Variants in ZNF804B observed in about 807,000 individuals in gnomAD.
ZNF804B encodes the protein zinc finger 804B.
In ZNF804B, 80 loss-of-function variants were observed where a neutral mutation model predicts 101.4. The ratio of observed to expected loss-of-function variants is 0.79; its 90% CI spans 0.66 to 0.95. The LOEUF is 0.95. ZNF804B is among the 40% of genes least tolerant of loss of function. ZNF804B has a pLI of 0.00. For missense variants in ZNF804B, 1,673 were observed against 1,561.9 expected (o/e 1.07, Z -1.20); for synonymous variants, 622 against 558.8 (o/e 1.11, Z -1.59).
chr7:89,070,176 C>A (rs1237522733), intron 1 of ZNF804B, among the ~76,000 whole-genome samples: 2 of 152,132 alleles, frequency 1.3e-5, no homozygotes, highest in Non-Finnish European at 2.9e-5. Flanking sequence ...TAGAAGGTAA[C>A]CTTACTTGCA....
At chr7:88,869,158 C>T (rs1049106518) in intron 1 of ZNF804B, among the ~76,000 whole-genome samples, 3 of 152,088 alleles carry the variant, frequency 2.0e-5, no homozygotes, top group African/African-American at 4.8e-5. Flanking sequence ...CTTAGTAATA[C>T]AGTAATTCTT....
intron 1 of ZNF804B, among the ~76,000 whole-genome samples, chr7:88,776,731 G>C (rs1392132753): frequency 6.8e-6 from 1 of 147,210 alleles, no homozygotes; most frequent in African/African-American, 2.5e-5. Flanking sequence ...CTGTTTAAAT[G>C]TCTTACTGTC....
At chr7:88,947,362 G>T (rs1184738788) in intron 1 of ZNF804B, among the ~76,000 whole-genome samples, 6 of 151,984 alleles carry the variant, frequency 3.9e-5, no homozygotes, top group Non-Finnish European at 8.8e-5. Flanking sequence ...CATGTCTTTT[G>T]CAGGGACATG....
chr7:89,257,934 A>G (rs1267021558), intron 2 of ZNF804B, among the ~76,000 whole-genome samples: 1 of 152,038 alleles, frequency 6.6e-6, no homozygotes, highest in East Asian at 1.9e-4. Flanking sequence ...GGTGCATTAT[A>G]CAGATATTGA....
chr7:89,210,576 T>C (rs1473917361), intron 1 of ZNF804B, among the ~76,000 whole-genome samples: 1 of 152,166 alleles, frequency 6.6e-6, no homozygotes, highest in Non-Finnish European at 1.5e-5. Context: ...AGCTCCCACT[T>C]ATAAGTAAGA....
rs536839999 is a variant in ZNF804B at position 89,031,322 on chromosome 7, G to A, written c.109-186833G>A. On this transcript the variant is annotated intron_variant, in intron 1 of 3. Transcript: ENST00000333190. ...CTAGACTCAATTACCCTTTGCGCAC[G>A]GCCCCTGTGTCACCATGCACAATAT... Among the ~76,000 whole-genome samples, 19 of 150,028 alleles carry A rather than the reference G, an allele frequency of 1.3e-4. No homozygotes were observed. The South Asian group carries it at 1.5e-3, about 12-fold the overall frequency.
rs966567844 is a variant in ZNF804B, at chr7:88,939,607, C to A, written c.108+179523C>A. ...GAATTACAATGAATATAAACAAATT[C>A]TCCCATTAAAAGCCACAGTCGTGCA... On this transcript the variant is annotated intron_variant, in intron 1 of 3. Coordinates refer to ENST00000333190, the MANE Select transcript of ZNF804B (RefSeq NM_181646.5). Among the ~76,000 whole-genome samples, 15 of 151,770 alleles carry A rather than the reference C, an allele frequency of 9.9e-5. No individual in the cohort carries two copies. In the East Asian group the frequency reaches 2.5e-3, roughly 26 times the overall value.
chr7:89,012,892 A>G (rs1294316445), intron 1 of ZNF804B, among the ~76,000 whole-genome samples: 1 of 152,180 alleles, frequency 6.6e-6, no homozygotes, highest in Non-Finnish European at 1.5e-5. Flanking sequence ...GTAATTTATA[A>G]AGAAAAGAGG....
intron 2 of ZNF804B, among the ~76,000 whole-genome samples, chr7:89,271,499 G>A (rs1298861841): frequency 6.6e-6 from 1 of 152,154 alleles, no homozygotes; most frequent in Non-Finnish European, 1.5e-5. Context: ...TTGCATCGAT[G>A]TTCATCAGGG....
intron 2 of ZNF804B, among the ~76,000 whole-genome samples, chr7:89,303,961 C>A (rs1790521956): frequency 6.6e-6 from 1 of 151,856 alleles, no homozygotes; most frequent in Admixed American, 6.6e-5. Flanking sequence ...CTCTACTAAC[C>A]AAGACAGACT....
intron 1 of ZNF804B, among the ~76,000 whole-genome samples, chr7:89,108,761 A>T (rs1484732359): frequency 6.6e-6 from 1 of 152,146 alleles, no homozygotes; most frequent in Non-Finnish European, 1.5e-5. Context: ...TGTGAAAAGT[A>T]GAGAAGAAAT....
At chr7:88,877,060 T>TGAAAAAAAAAATATA (rs1791964185) in intron 1 of ZNF804B, among the ~76,000 whole-genome samples, 3 of 68,234 alleles carry the variant, frequency 4.4e-5, no homozygotes, top group Non-Finnish European at 8.0e-5. Context: ...TTTTTTTTTT[T>TGAAAAAAAAAATATA]TTTTTTTTTT....
chr7:89,098,654 T>C (rs1423448013), intron 1 of ZNF804B, among the ~76,000 whole-genome samples: 2 of 152,160 alleles, frequency 1.3e-5, no homozygotes, highest in African/African-American at 4.8e-5. Context: ...GCTAAGGTTA[T>C]AGAGTTCTTA....
chr7:89,306,802 T>C (rs1349786887), intron 2 of ZNF804B, among the ~76,000 whole-genome samples: 1 of 152,026 alleles, frequency 6.6e-6, no homozygotes, highest in African/African-American at 2.4e-5. Flanking sequence ...GCAACTTCAG[T>C]AGCGGTTTAG....
At chr7:89,050,003 C>T (rs1789170263) in intron 1 of ZNF804B, among the ~76,000 whole-genome samples, 1 of 152,030 alleles carries the variant, frequency 6.6e-6, no homozygotes, top group African/African-American at 2.4e-5. Flanking sequence ...CAGAGTAAAA[C>T]TCTGTCTCAA....
At chr7:88,921,657 C>T (rs1436756671) in intron 1 of ZNF804B, among the ~76,000 whole-genome samples, 2 of 152,050 alleles carry the variant, frequency 1.3e-5, no homozygotes, top group Non-Finnish European at 2.9e-5. Context: ...AGAATGATTA[C>T]TAGCATGTTT....
At chr7:89,112,105 C>CAAAAA (rs3060290) in intron 1 of ZNF804B, among the ~76,000 whole-genome samples, 19 of 118,752 alleles carry the variant, frequency 1.6e-4, no homozygotes, top group Non-Finnish European at 2.6e-4. Context: ...GACTCTATCT[C>CAAAAA]AAAAAAAAAA....
At chr7:89,028,264 G>A (rs1788780561) in intron 1 of ZNF804B, among the ~76,000 whole-genome samples, 2 of 152,228 alleles carry the variant, frequency 1.3e-5, no homozygotes, top group South Asian at 2.1e-4. Flanking sequence ...ATTACAAACA[G>A]CAACTTGATT....
At chr7:88,786,934 G>A (rs138430040) in intron 1 of ZNF804B, among the ~76,000 whole-genome samples, 1 of 152,214 alleles carries the variant, frequency 6.6e-6, no homozygotes, top group African/African-American at 2.4e-5. Context: ...CAAGTTGCTG[G>A]CAGGAAGATG....
Sources: allele counts gnomAD v4.1 joint callset (sites outside exome capture counted in the v4.1 genomes callset), GRCh38; gene constraint gnomAD v4.1.1; transcripts MANE v1.5; gene names NCBI Gene and HGNC (gene_info 2026-07-23, HGNC 2026-07-21).